The following CTNNA3 variants were observed in gnomAD, a reference collection of about 807,000 sequenced individuals.
CTNNA3 encodes the protein catenin alpha 3, also known as catenin alpha-3.
A neutral mutation model predicts 95.7 loss-of-function variants in CTNNA3; 76 were observed. The observed-to-expected ratio is 0.79, with a 90% confidence interval of 0.66 to 0.96. CTNNA3 has a LOEUF of 0.96. CTNNA3 is among the 40% of genes least tolerant of loss of function. CTNNA3 has a pLI of 0.00. For missense variants in CTNNA3, 1,191 were observed against 1,089.8 expected (o/e 1.09, Z -1.31); for synonymous variants, 431 against 374.4 (o/e 1.15, Z -1.74).
chr10:66,564,289 A>G (rs1263762586), intron 10 of CTNNA3, among the ~76,000 whole-genome samples: 1 of 152,160 alleles, frequency 6.6e-6, no homozygotes, highest in African/African-American at 2.4e-5. Context: ...CCTGTGACAT[A>G]CTACAGATCT....
intron 1 of CTNNA3, among the ~76,000 whole-genome samples, chr10:67,663,082 T>A (rs2133530984): frequency 6.6e-6 from 1 of 152,312 alleles, no homozygotes; most frequent in Non-Finnish European, 1.5e-5. Flanking sequence ...ATCTGTCAAT[T>A]TACAGTATTT....
At chr10:66,266,143 AGAAGGAAGGAAGGAAAGAAG>A (rs969509497) in intron 13 of CTNNA3, among the ~76,000 whole-genome samples, 9 of 150,800 alleles carry the variant, frequency 6.0e-5, no homozygotes, top group Non-Finnish European at 1.3e-4. Context: ...AAGGAAGGAA[AGAAGGAAGGAAGGAAAGAAG>A]GAAGGAAGGA....
At chr10:67,462,040 A>G (rs1847397975) in intron 5 of CTNNA3, among the ~76,000 whole-genome samples, 1 of 152,224 alleles carries the variant, frequency 6.6e-6, no homozygotes, top group African/African-American at 2.4e-5. Context: ...TTTTGTAGGT[A>G]TGAAAGGAAG....
At chr10:66,418,914 C>A (rs1319656384) in intron 11 of CTNNA3, among the ~76,000 whole-genome samples, 1 of 151,974 alleles carries the variant, frequency 6.6e-6, no homozygotes, top group Non-Finnish European at 1.5e-5. Context: ...CCACAAATAG[C>A]ATTATACTGA....
At chr10:67,659,423 C>T (rs1346550538) in intron 1 of CTNNA3, among the ~76,000 whole-genome samples, 1 of 152,156 alleles carries the variant, frequency 6.6e-6, no homozygotes, top group Non-Finnish European at 1.5e-5. Flanking sequence ...AGAGAAAGAA[C>T]AGAAATGCCC....
intron 11 of CTNNA3, among the ~76,000 whole-genome samples, chr10:66,462,618 TACA>T (rs1368138104): frequency 6.6e-6 from 1 of 152,118 alleles, no homozygotes; most frequent in East Asian, 1.9e-4. Context: ...AAAATAATAA[TACA>T]ACATTTCTTG....
At chr10:65,971,458 A>G (rs2078100917) in intron 16 of CTNNA3, among the ~76,000 whole-genome samples, 1 of 151,478 alleles carries the variant, frequency 6.6e-6, no homozygotes, top group Non-Finnish European at 1.5e-5. Flanking sequence ...GAGAGGATTC[A>G]AATAAGCACA....
intron 7 of CTNNA3, among the ~76,000 whole-genome samples, chr10:66,812,369 C>T (rs750293195): frequency 8.6e-5 from 13 of 152,006 alleles, no homozygotes; most frequent in Non-Finnish European, 1.6e-4. Context: ...ATTTTGTTGA[C>T]ACAAATACAA....
intron 1 of CTNNA3, among the ~76,000 whole-genome samples, chr10:67,727,044 CAT>C (rs1210292089): frequency 1.9e-5 from 2 of 105,118 alleles, no homozygotes; most frequent in Non-Finnish European, 3.4e-5. Flanking sequence ...ATATATGATA[CAT>C]ATATGATATA....
In CTNNA3 at chr10:66,850,874, C is replaced by T. The variant is rs138259219; in HGVS notation, c.1048-75350G>A. On this transcript the variant is annotated intron_variant, in intron 7 of 17. Coordinates refer to ENST00000433211, the MANE Select transcript of CTNNA3 (RefSeq NM_013266.4). ...GCCTCCAAATGTAGCATGATATTTC[C>T]TTCAGATTAATGAACAGAAATACAT... Among the ~76,000 whole-genome samples, 584 of 152,170 alleles carry T rather than the reference C, an allele frequency of 3.8e-3. 6 individuals are homozygous for T. Among genetic ancestry groups the T allele is most frequent in the African/African-American group, 0.014 (567 of 41,510 alleles).
intron 15 of CTNNA3, among the ~76,000 whole-genome samples, chr10:66,023,407 G>A (rs61858368): frequency 1.3e-5 from 2 of 149,820 alleles, no homozygotes; most frequent in Non-Finnish European, 3.0e-5. Context: ...ACAGAGAGAG[G>A]GAGAGAGAGA....
chr10:67,179,181 C>T (rs1360473586), intron 7 of CTNNA3, among the ~76,000 whole-genome samples: 3 of 152,032 alleles, frequency 2.0e-5, no homozygotes, highest in African/African-American at 7.3e-5. Flanking sequence ...AACACACCTA[C>T]ATGAATCTTG....
chr10:66,441,796 A>G (rs1478060519), intron 11 of CTNNA3, among the ~76,000 whole-genome samples: 1 of 152,236 alleles, frequency 6.6e-6, no homozygotes, highest in Non-Finnish European at 1.5e-5. Context: ...TCTAATGTAT[A>G]CAAAGAGTAG....
chr10:66,197,483 A>T (rs1198458152), intron 13 of CTNNA3, among the ~76,000 whole-genome samples: 1 of 152,156 alleles, frequency 6.6e-6, no homozygotes, highest in Admixed American at 6.6e-5. Context: ...CTATCACATA[A>T]CTTTATCATA....
chr10:65,979,534 T>G (rs2133297148), intron 16 of CTNNA3, among the ~76,000 whole-genome samples: 1 of 152,186 alleles, frequency 6.6e-6, no homozygotes, highest in East Asian at 1.9e-4. Context: ...ATTCTGGTTA[T>G]TTGGAATTTT....
intron 7 of CTNNA3, among the ~76,000 whole-genome samples, chr10:66,909,395 A>G (rs548065685): frequency 6.6e-6 from 1 of 152,110 alleles, no homozygotes; most frequent in South Asian, 2.1e-4. Context: ...CTGTAATCCC[A>G]TCTACTCAGG....
At chr10:67,566,702 C>CTATATATATA in intron 3 of CTNNA3, among the ~76,000 whole-genome samples, 1 of 152,142 alleles carries the variant, frequency 6.6e-6, no homozygotes, top group Non-Finnish European at 1.5e-5. Context: ...AATCATGCTG[C>CTATATATATA]TATAAAGACA....
At chr10:67,490,307 T>C (rs1490294268) in intron 5 of CTNNA3, among the ~76,000 whole-genome samples, 3 of 152,140 alleles carry the variant, frequency 2.0e-5, no homozygotes, top group African/African-American at 7.2e-5. Context: ...GAAAACATTG[T>C]TTTTCAATCC....
intron 5 of CTNNA3, among the ~76,000 whole-genome samples, chr10:67,307,620 C>T (rs1037448309): frequency 1.3e-5 from 2 of 152,146 alleles, no homozygotes; most frequent in Non-Finnish European, 2.9e-5. Context: ...TGAAGACTAT[C>T]CTTGAAAAGC....
Sources: gnomAD v4.1 joint callset for allele counts (sites outside exome capture counted in the v4.1 genomes callset) on GRCh38, gnomAD v4.1.1 for gene constraint, MANE v1.5 for transcripts, NCBI Gene and HGNC (gene_info 2026-07-23, HGNC 2026-07-21) for gene names.